Variants in DMD observed in about 807,000 individuals in gnomAD.
DMD encodes mutant dystrophin.
A neutral mutation model predicts 330.1 loss-of-function variants in DMD; 63 were observed. The ratio of observed to expected loss-of-function variants is 0.19; its 90% confidence interval spans 0.16 to 0.24. The LOEUF (loss-of-function observed/expected upper bound fraction) is 0.24. Among genes scored for constraint, DMD ranks in the 10% least tolerant of loss-of-function variants. The pLI is 1.00. For synonymous variants in DMD, 1,223 were observed against 959.8 expected (o/e 1.27, Z -5.07); for missense variants, 3,344 against 2,684.1 (o/e 1.25, Z -5.43).
intron 47 of DMD, among the ~76,000 whole-genome samples, chrX:31,916,366 A>T (rs941237921): frequency 7.1e-5 from 8 of 112,277 alleles, no homozygotes; most frequent in Admixed American, 6.6e-4. Flanking sequence ...ACTGATATAT[A>T]GGGGAAAGCC....
At chrX:32,222,298 T>G (rs1305210245) in intron 43 of DMD, among the ~76,000 whole-genome samples, 1 of 111,851 alleles carries the variant, frequency 8.9e-6, no homozygotes, top group Non-Finnish European at 1.9e-5. Flanking sequence ...GGAAATTTTC[T>G]AGCACCAAAT....
At chrX:33,262,115 G>A (rs1166900607) in intron 1 of DMD, among the ~76,000 whole-genome samples, 2 of 111,166 alleles carry the variant, frequency 1.8e-5, no homozygotes, top group South Asian at 7.3e-4. Flanking sequence ...AAAGCATGTA[G>A]AAATTAAAAT....
At chrX:32,448,076 A>G (rs1348899751) in intron 27 of DMD, among the ~76,000 whole-genome samples, 1 of 111,139 alleles carries the variant, frequency 9.0e-6, no homozygotes, top group Non-Finnish European at 1.9e-5. Context: ...AAGTTTATGT[A>G]CATACAAAAA....
At chrX:31,309,555 T>C (rs2055313872) in intron 62 of DMD, among the ~76,000 whole-genome samples, 1 of 111,545 alleles carries the variant, frequency 9.0e-6, no homozygotes, top group African/African-American at 3.3e-5. Context: ...AAACACAAAT[T>C]GTGTAAGTAT....
chrX:32,266,998 A>C (rs1164271694), intron 43 of DMD, among the ~76,000 whole-genome samples: 6 of 112,051 alleles, frequency 5.4e-5, no homozygotes, highest in Non-Finnish European at 1.1e-4. Flanking sequence ...TTTAAACCCA[A>C]TCTACAATTT....
intron 30 of DMD, among the ~76,000 whole-genome samples, chrX:32,392,729 A>C (rs1220226684): frequency 8.9e-6 from 1 of 112,458 alleles, no homozygotes; most frequent in Non-Finnish European, 1.9e-5. Flanking sequence ...GTTATGGCAA[A>C]AGTCCTTAAG....
intron 2 of DMD, among the ~76,000 whole-genome samples, chrX:32,865,942 C>A (rs1473581717): frequency 8.9e-6 from 1 of 112,219 alleles, no homozygotes; most frequent in Non-Finnish European, 1.9e-5. Context: ...AAGTTGGTAT[C>A]TATTTCCCTG....
intron 2 of DMD, among the ~76,000 whole-genome samples, chrX:32,965,959 C>T (rs1208629567): frequency 1.8e-5 from 2 of 111,618 alleles, no homozygotes; most frequent in Non-Finnish European, 3.8e-5. Context: ...TAGTCTTTAA[C>T]TTTCTGGAAA....
intron 1 of DMD, among the ~76,000 whole-genome samples, chrX:33,107,372 T>G (rs1757734434): frequency 1.1e-5 from 1 of 93,867 alleles, no homozygotes; most frequent in African/African-American, 4.0e-5. Flanking sequence ...AAAGTTTGTG[T>G]ATAATACATG....
intron 4 of DMD, among the ~76,000 whole-genome samples, chrX:32,826,493 C>A (rs2078703404): frequency 8.9e-6 from 1 of 111,846 alleles, no homozygotes; most frequent in Admixed American, 9.5e-5. Context: ...CCTACACACA[C>A]ACACACTGGA....
At chrX:32,851,165 C>T (rs959549495) in intron 2 of DMD, among the ~76,000 whole-genome samples, 1 of 110,994 alleles carries the variant, frequency 9.0e-6, no homozygotes, top group Admixed American at 9.7e-5. Flanking sequence ...CAAAAGACAT[C>T]CCTTAAACTT....
In DMD at chrX:33,320,537, A is replaced by G. The variant is rs143060713; in HGVS notation, c.7+18722T>C. ...TAATTTATTGCTAAAAAAGCTAGCA[A>G]TCATCTGAGCCTTTAGTGAGTTGTA... On this transcript the variant is annotated intron_variant, in intron 1 of 17. Coordinates refer to the DMD transcript ENST00000288447. Among the ~76,000 whole-genome samples, 411 of 112,543 alleles carry G rather than the reference A, an allele frequency of 3.7e-3. 1 individual carries two copies. The highest frequency in any genetic ancestry group is 0.013 in the African/African-American group (398 of 31,023).
At chrX:32,666,453 C>T (rs997833489) in intron 9 of DMD, among the ~76,000 whole-genome samples, 18 of 110,809 alleles carry the variant, frequency 1.6e-4, no homozygotes, top group Non-Finnish European at 2.6e-4. Context: ...TGAGAACATG[C>T]GGTATTTGGT....
chrX:31,182,685 A>G, intron 68 of DMD, 53 bp downstream of exon 68: 1 of 1,123,886 alleles, frequency 8.9e-7, no homozygotes, highest in Non-Finnish European at 1.2e-6. Context: ...CAAGTCATAA[A>G]AAGGTGAAAA....
At chrX:32,492,390 T>C (rs1569564818) in intron 19 of DMD, among the ~76,000 whole-genome samples, 1 of 112,495 alleles carries the variant, frequency 8.9e-6, no homozygotes, top group East Asian at 2.8e-4. Flanking sequence ...AAATAATCTT[T>C]CTAATGTGAA....
chrX:33,048,826 C>T (rs1183389633), intron 1 of DMD, among the ~76,000 whole-genome samples: 5 of 109,941 alleles, frequency 4.5e-5, no homozygotes, highest in Non-Finnish European at 7.6e-5. Context: ...AAGGGGGCAC[C>T]GCAAGAAAAG....
intron 2 of DMD, among the ~76,000 whole-genome samples, chrX:33,018,312 TA>T (rs2093843726): frequency 9.0e-6 from 1 of 111,554 alleles, no homozygotes; most frequent in Non-Finnish European, 1.9e-5. Flanking sequence ...TGAGTTGAGT[TA>T]GAGGATGCAA....
At chrX:32,938,082 T>A (rs1405559755) in intron 2 of DMD, among the ~76,000 whole-genome samples, 4 of 111,260 alleles carry the variant, frequency 3.6e-5, no homozygotes, top group Non-Finnish European at 7.5e-5. Flanking sequence ...GATATCACTG[T>A]TTGTAAACAC....
chrX:32,463,764 G>A lies in DMD; in HGVS notation c.3277-170C>T, dbSNP rs893939847. Among the ~76,000 whole-genome samples the A allele has an allele frequency of 4.5e-5, 5 of 112,006 alleles. No individual in the cohort carries two copies. In the Admixed American group the frequency reaches 4.8e-4, roughly 11 times the overall value. Reference sequence around the variant, plus strand: ...ATATAGATGACTGCCTAACAGTCTTGCAAAAATGTTCAATGGTTATTATGG... The same window carrying A: ...ATATAGATGACTGCCTAACAGTCTTACAAAAATGTTCAATGGTTATTATGG... On this transcript the variant is annotated intron_variant, in intron 24 of 78. Transcript: ENST00000357033.
Sources: gnomAD v4.1 joint callset for allele counts (sites outside exome capture counted in the v4.1 genomes callset) on GRCh38, gnomAD v4.1.1 for gene constraint, MANE v1.5 for transcripts, NCBI Gene and HGNC (gene_info 2026-07-23, HGNC 2026-07-21) for gene names.